NRG3: variants seen among roughly 807,000 people sequenced by gnomAD.
The protein encoded by NRG3 is neuregulin 3.
In NRG3, 31 loss-of-function variants were observed where a neutral mutation model predicts 66.9. That is an observed-to-expected ratio of 0.46 (90% CI 0.35 to 0.63). The LOEUF (loss-of-function observed/expected upper bound fraction) is 0.63, where lower values mean the gene tolerates loss of function less well. Ranked by LOEUF, NRG3 falls within the 20% of genes least tolerant of loss-of-function variation. The pLI is 0.00. For missense variants in NRG3, 910 were observed against 878.9 expected (o/e 1.04, Z -0.45); for synonymous variants, 393 against 359.4 (o/e 1.09, Z -1.06).
chr10:82,910,768 A>G (rs1275859564), intron 4 of NRG3, among the ~76,000 whole-genome samples: 1 of 152,266 alleles, frequency 6.6e-6, no homozygotes, highest in Non-Finnish European at 1.5e-5. Context: ...TGATGAGTAA[A>G]TATAAAAACA....
intron 1 of NRG3, among the ~76,000 whole-genome samples, chr10:82,282,969 T>C (rs1182928615): frequency 1.3e-5 from 2 of 152,118 alleles, no homozygotes; most frequent in Non-Finnish European, 2.9e-5. Flanking sequence ...CTTGGGCTGA[T>C]GACTCATCCC....
chr10:82,889,118 C>G (rs1260364100), intron 4 of NRG3, among the ~76,000 whole-genome samples: 1 of 152,010 alleles, frequency 6.6e-6, no homozygotes, highest in Non-Finnish European at 1.5e-5. Context: ...GGTATTAGAG[C>G]TGATTTTTTG....
chr10:82,877,012 A>C (rs1175202286), intron 4 of NRG3, among the ~76,000 whole-genome samples: 1 of 151,542 alleles, frequency 6.6e-6, no homozygotes, highest in Non-Finnish European at 1.5e-5. Flanking sequence ...AACAAAAGTG[A>C]AACTCTGCCA....
intron 2 of NRG3, among the ~76,000 whole-genome samples, chr10:82,691,840 G>A (rs2054951700): frequency 6.6e-6 from 1 of 152,194 alleles, no homozygotes; most frequent in Admixed American, 6.5e-5. Flanking sequence ...AAGGCTCACA[G>A]TCATGTGGCT....
At chr10:82,060,810 A>G (rs954438491) in intron 1 of NRG3, among the ~76,000 whole-genome samples, 3 of 152,040 alleles carry the variant, frequency 2.0e-5, no homozygotes, top group South Asian at 2.1e-4. Context: ...TATTGCCTCT[A>G]CTCAACCTCT....
At chr10:82,134,901 T>A (rs549620134) in intron 1 of NRG3, among the ~76,000 whole-genome samples, 1 of 152,116 alleles carries the variant, frequency 6.6e-6, no homozygotes, top group East Asian at 1.9e-4. Flanking sequence ...GGCAGGCAGA[T>A]CACCTGAGGT....
intron 2 of NRG3, among the ~76,000 whole-genome samples, chr10:82,511,546 G>T (rs1381149983): frequency 2.0e-5 from 3 of 152,198 alleles, no homozygotes; most frequent in East Asian, 1.9e-4. Flanking sequence ...TTCAGAGCTG[G>T]TGAACAAGTC....
chr10:82,361,207 T>A (rs1460918509), intron 2 of NRG3, among the ~76,000 whole-genome samples: 2 of 152,246 alleles, frequency 1.3e-5, no homozygotes, highest in African/African-American at 2.4e-5. Flanking sequence ...ATAGTTTAAG[T>A]GAAATGATGT....
rs1180608783 is a variant in NRG3, at chr10:82,865,433, CA to C, written c.1051del (p.Met351TrpfsTer46). On this transcript the variant is annotated frameshift_variant, in exon 4 of 9. Coordinates refer to ENST00000372141, the MANE Select transcript of NRG3 (RefSeq NM_001010848.4). LOFTEE classifies it high-confidence loss of function. ...DPTDHLGIEF[M>X]ESEEVYQRQV... is the part of the protein sequence containing the mutation. Reference sequence around the variant, plus strand: ...TAGCAGACCACTTGGGGATTGAATTCATGGGTAAGACTAAACAATTTGCTCA... The same window carrying C: ...TAGCAGACCACTTGGGGATTGAATTCTGGGTAAGACTAAACAATTTGCTCA... 6.2e-7 allele frequency: 1 copy of C among 1,612,778 alleles called. No homozygotes were observed. The highest frequency in any genetic ancestry group is 1.7e-5 in the Admixed American group (1 of 59,912).
At chr10:82,008,041 G>A (rs532589728) in intron 1 of NRG3, among the ~76,000 whole-genome samples, 1 of 152,154 alleles carries the variant, frequency 6.6e-6, no homozygotes, top group Non-Finnish European at 1.5e-5. Flanking sequence ...TCACCAATTT[G>A]CCAGGCACAG....
chr10:82,511,325 A>G (rs1021540908), intron 2 of NRG3, among the ~76,000 whole-genome samples: 1 of 152,208 alleles, frequency 6.6e-6, no homozygotes, highest in African/African-American at 2.4e-5. Flanking sequence ...TTTGTGCACG[A>G]TTCTCTGCAG....
chr10:82,450,185 A>G (rs544996395), intron 2 of NRG3, among the ~76,000 whole-genome samples: 1 of 152,278 alleles, frequency 6.6e-6, no homozygotes, highest in Admixed American at 6.5e-5. Flanking sequence ...GAAGAAACCT[A>G]CTTGTTTTGT....
chr10:82,227,028 A>T (rs2133836246), intron 1 of NRG3, among the ~76,000 whole-genome samples: 1 of 152,288 alleles, frequency 6.6e-6, no homozygotes, highest in Non-Finnish European at 1.5e-5. Flanking sequence ...CCTTCTTGTG[A>T]ATCCACTAAG....
intron 3 of NRG3, among the ~76,000 whole-genome samples, chr10:82,812,766 GT>G (rs2061543261): frequency 6.6e-6 from 1 of 152,136 alleles, no homozygotes; most frequent in Admixed American, 6.6e-5. Flanking sequence ...AAATTACTCA[GT>G]AGAAACTAAC....
chr10:82,720,698 G>T (rs2057244326), intron 2 of NRG3, among the ~76,000 whole-genome samples: 1 of 151,578 alleles, frequency 6.6e-6, no homozygotes, highest in Non-Finnish European at 1.5e-5. Context: ...GGGTCTTCAA[G>T]GAGGTTGGTT....
At chr10:82,144,410 C>G (rs1457961527) in intron 1 of NRG3, among the ~76,000 whole-genome samples, 2 of 152,170 alleles carry the variant, frequency 1.3e-5, no homozygotes, top group Non-Finnish European at 2.9e-5. Flanking sequence ...GAGTCCTGAC[C>G]TGTGTATTAT....
chr10:82,719,519 C>T (rs56098611), intron 2 of NRG3, among the ~76,000 whole-genome samples: 24,707 of 152,064 alleles, frequency 0.16, 3,851 homozygotes, highest in African/African-American at 0.41. Context: ...TCTTGACCAA[C>T]GGCTTTGAGG....
At chr10:82,094,874 C>A (rs2066237600) in intron 1 of NRG3, among the ~76,000 whole-genome samples, 1 of 152,058 alleles carries the variant, frequency 6.6e-6, no homozygotes, top group Non-Finnish European at 1.5e-5. Context: ...ATAATAGACA[C>A]TGGAGACTCA....
chr10:82,351,561 A>G (rs1031537086), intron 1 of NRG3, among the ~76,000 whole-genome samples: 13 of 152,180 alleles, frequency 8.5e-5, no homozygotes, highest in African/African-American at 3.1e-4. Context: ...CCCCACCAGC[A>G]TAGACTCAGT....
Sources: gnomAD v4.1 joint callset for allele counts (sites outside exome capture counted in the v4.1 genomes callset) on GRCh38, gnomAD v4.1.1 for gene constraint, MANE v1.5 for transcripts, NCBI Gene and HGNC (gene_info 2026-07-23, HGNC 2026-07-21) for gene names.